The following DMD variants were observed in gnomAD, a reference collection of about 807,000 sequenced individuals.
The protein encoded by DMD is mutant dystrophin.
Under a neutral mutation model 330.1 loss-of-function variants are expected in DMD, and 63 were observed. That is an observed-to-expected ratio of 0.19 (90% CI 0.16 to 0.24). The LOEUF (loss-of-function observed/expected upper bound fraction) is 0.24, where lower values mean the gene tolerates loss of function less well. Among genes scored for constraint, DMD ranks in the 10% least tolerant of loss-of-function variants. The pLI, the probability that DMD is intolerant of heterozygous loss-of-function variation, is 1.00. For missense variants in DMD, 3,344 were observed against 2,684.1 expected, an observed-to-expected ratio of 1.25 and a Z score of -5.43; for synonymous variants, 1,223 against 959.8, an observed-to-expected ratio of 1.27 and a Z score of -5.07.
At chrX:32,274,963 T>C (rs2097379966) in intron 43 of DMD, among the ~76,000 whole-genome samples, 1 of 111,921 alleles carries the variant, frequency 8.9e-6, no homozygotes, top group African/African-American at 3.2e-5. Context: ...TTGGCATCAA[T>C]AGTCAAATCA....
At chrX:32,045,500 C>G (rs2096058156) in intron 44 of DMD, among the ~76,000 whole-genome samples, 1 of 110,434 alleles carries the variant, frequency 9.1e-6, no homozygotes, top group Admixed American at 9.7e-5. Context: ...TCCTGTACAA[C>G]CTGCAGAATC....
chrX:31,935,685 T>C (rs1334185103), intron 45 of DMD, among the ~76,000 whole-genome samples: 2 of 111,403 alleles, frequency 1.8e-5, no homozygotes, highest in Non-Finnish European at 3.8e-5. Context: ...TGCTAAAATC[T>C]GATTACATTT....
chrX:31,606,217 C>A (rs2077603744), intron 55 of DMD, among the ~76,000 whole-genome samples: 1 of 111,763 alleles, frequency 8.9e-6, no homozygotes, highest in South Asian at 3.8e-4. Context: ...CTGAGGCCTA[C>A]CCAGCCATGT....
At chrX:32,436,359 T>A (rs758921619) in intron 29 of DMD, among the ~76,000 whole-genome samples, 5 of 112,034 alleles carry the variant, frequency 4.5e-5, no homozygotes, top group Admixed American at 9.5e-5. Flanking sequence ...GGACCCTGAC[T>A]ACTAATACAA....
chrX:32,532,119 C>T (rs955430904), intron 17 of DMD, among the ~76,000 whole-genome samples: 2 of 111,065 alleles, frequency 1.8e-5, no homozygotes, highest in Non-Finnish European at 3.8e-5. Flanking sequence ...CCATGGTGAG[C>T]TCCAAAAGTC....
At chrX:33,278,842 A>G (rs2053276627) in intron 1 of DMD, among the ~76,000 whole-genome samples, 2 of 111,762 alleles carry the variant, frequency 1.8e-5, no homozygotes, top group Non-Finnish European at 3.8e-5. Flanking sequence ...ACATAATGAT[A>G]AAGGGTGTAA....
At chrX:33,241,952 G>A (rs2052592684) in intron 1 of DMD, among the ~76,000 whole-genome samples, 1 of 110,989 alleles carries the variant, frequency 9.0e-6, no homozygotes, top group Admixed American at 9.6e-5. Flanking sequence ...AGTAGAGACA[G>A]GGCTTCACCA....
At chrX:31,878,887 C>G (rs1242563376) in intron 47 of DMD, among the ~76,000 whole-genome samples, 1 of 111,997 alleles carries the variant, frequency 8.9e-6, no homozygotes, top group Non-Finnish European at 1.9e-5. Flanking sequence ...GACTCTTCTA[C>G]GTGGCTGGTG....
At chrX:32,657,568 A>G (rs1340718861) in intron 9 of DMD, among the ~76,000 whole-genome samples, 3 of 111,718 alleles carry the variant, frequency 2.7e-5, no homozygotes, top group Non-Finnish European at 1.9e-5. Context: ...CAGTAAACAA[A>G]CCGACATTCC....
At chrX:31,260,229 A>G (rs1248730285) in intron 63 of DMD, among the ~76,000 whole-genome samples, 1 of 111,605 alleles carries the variant, frequency 9.0e-6, no homozygotes, top group Non-Finnish European at 1.9e-5. Context: ...GAGACAGAGC[A>G]AGACCCTGTC....
intron 52 of DMD, among the ~76,000 whole-genome samples, chrX:31,725,214 C>G (rs957798813): frequency 9.5e-6 from 1 of 105,678 alleles, no homozygotes; most frequent in African/African-American, 3.6e-5. Context: ...GGTTTTCTGT[C>G]TCTAAAATGG....
At position 32,362,958 on chromosome X, in the gene DMD, G is replaced by T; in HGVS notation, c.5155C>A (p.Arg1719Ser). The T allele has an allele frequency of 8.3e-7, 1 of 1,206,432 alleles. No homozygotes were observed. The highest frequency in any genetic ancestry group is 1.1e-6 in the Non-Finnish European group (1 of 892,129). The change falls in exon 37 of 79, where the codon CGT (arginine) becomes AGT (serine). Residue 1719 changes from arginine (R) to serine (S), a missense_variant and splice_region_variant. Coordinates refer to ENST00000357033, the MANE Select transcript of DMD (RefSeq NM_004006.3). ...KPQQKEDVLK[R>S]LKAELNDIRP... is the part of the protein sequence containing the mutation. ...ATGTCATTCAGTTCTGCCTTTAAAC[G>T]CTATATTCCATGAGCAAGAGATAGG...
intron 50 of DMD, among the ~76,000 whole-genome samples, chrX:31,803,255 C>G (rs1487855530): frequency 1.8e-5 from 2 of 111,925 alleles, no homozygotes; most frequent in Non-Finnish European, 3.8e-5. Context: ...ATGCTGTCAG[C>G]TAAAGGCAAG....
At chrX:32,706,069 C>CT in intron 7 of DMD, among the ~76,000 whole-genome samples, 1 of 107,789 alleles carries the variant, frequency 9.3e-6, no homozygotes, top group Non-Finnish European at 1.9e-5. Context: ...AGTTCATGTC[C>CT]TTTGTAGGGA....
At chrX:32,660,833 T>A (rs1345038552) in intron 9 of DMD, among the ~76,000 whole-genome samples, 1 of 111,754 alleles carries the variant, frequency 8.9e-6, no homozygotes, top group Admixed American at 9.5e-5. Flanking sequence ...CCAGAACATT[T>A]CTGTGTAGTA....
intron 1 of DMD, among the ~76,000 whole-genome samples, chrX:33,238,494 CT>C (rs1018438357): frequency 9.9e-5 from 11 of 110,938 alleles, no homozygotes; most frequent in African/African-American, 2.0e-4. Flanking sequence ...TCTCTCCCCC[CT>C]GTTTGTGTGT....
intron 44 of DMD, among the ~76,000 whole-genome samples, chrX:32,068,374 A>T (rs1374333538): frequency 0.016 from 1,054 of 64,106 alleles, 27 homozygotes; most frequent in African/African-American, 0.054. Context: ...CTTGCTTGTC[A>T]TTTTTTTTTT....
At chrX:32,806,427 C>T (rs1245704592) in intron 7 of DMD, among the ~76,000 whole-genome samples, 1 of 111,501 alleles carries the variant, frequency 9.0e-6, no homozygotes, top group Non-Finnish European at 1.9e-5. Context: ...GCACCCAATA[C>T]AGGAGCACCC....
chrX:32,759,858 GGC>G (rs200034108), intron 7 of DMD, among the ~76,000 whole-genome samples: 3,819 of 21,019 alleles, frequency 0.18, 203 homozygotes, highest in Middle Eastern at 0.41. Flanking sequence ...GGGGGGGGGG[GGC>G]GGGGGAAGAC....
Sources: gnomAD v4.1 joint callset for allele counts (sites outside exome capture counted in the v4.1 genomes callset) on GRCh38, gnomAD v4.1.1 for gene constraint, MANE v1.5 for transcripts, NCBI Gene and HGNC (gene_info 2026-07-23, HGNC 2026-07-21) for gene names.